GLIS3: variants seen among roughly 807,000 people sequenced by gnomAD.
GLIS3 encodes the protein GLIS family zinc finger 3.
A neutral mutation model predicts 78.6 loss-of-function variants in GLIS3; 53 were observed. The ratio of observed to expected loss-of-function variants is 0.67; its 90% CI spans 0.54 to 0.85. The LOEUF is 0.85. Ranked by LOEUF, GLIS3 falls within the 40% of genes least tolerant of loss-of-function variation. The pLI, the probability that GLIS3 is intolerant of heterozygous loss-of-function variation, is 0.00. For synonymous variants in GLIS3, 684 were observed against 509.9 expected (o/e 1.34, Z -4.60); for missense variants, 1,703 against 1,231.1 (o/e 1.38, Z -5.74).
intron 2 of GLIS3, among the ~76,000 whole-genome samples, chr9:4,165,884 A>C (rs895721335): frequency 6.6e-6 from 1 of 152,206 alleles, no homozygotes; most frequent in Non-Finnish European, 1.5e-5. Context: ...GGAATCTCCA[A>C]TGTTTGGGGA....
chr9:4,275,983 T>C (rs1200371100), intron 2 of GLIS3, among the ~76,000 whole-genome samples: 1 of 151,766 alleles, frequency 6.6e-6, no homozygotes, highest in African/African-American at 2.4e-5. Context: ...TTAACCACCT[T>C]AGAAAATGCT....
At chr9:3,920,334 T>C (rs190536205) in intron 6 of GLIS3, among the ~76,000 whole-genome samples, 3 of 152,292 alleles carry the variant, frequency 2.0e-5, no homozygotes, top group Non-Finnish European at 4.4e-5. Flanking sequence ...CAAATCACCC[T>C]TTCTTGCTTT....
At chr9:3,956,777 T>C (rs1043492087) in intron 4 of GLIS3, among the ~76,000 whole-genome samples, 2 of 152,236 alleles carry the variant, frequency 1.3e-5, no homozygotes, top group East Asian at 3.8e-4. Flanking sequence ...ACAATCTTAG[T>C]TGACCAGGCT....
At position 3,977,124 on chromosome 9, in the gene GLIS3, T is replaced by G. The variant is rs893449135; in HGVS notation, c.1711-39935A>C. Among the ~76,000 whole-genome samples, 1 of 152,142 alleles carries G rather than the reference T, an allele frequency of 6.6e-6. No individual in the cohort carries two copies. The highest frequency in any genetic ancestry group is 1.5e-5 in the Non-Finnish European group (1 of 68,040). On this transcript the variant is annotated intron_variant, in intron 4 of 10. Coordinates refer to ENST00000381971, the MANE Select transcript of GLIS3 (RefSeq NM_001042413.2). This position sits in a 1 kb window ranked among gnomAD's most constrained non-coding sequence, Gnocchi z 4.1. ...GCATACTGCTAGTTGATGACCAGTT[T>G]TCACTTAGGATCTGCAGAATTCACA...
chr9:4,119,920 G>C (rs145490879), intron 3 of GLIS3, among the ~76,000 whole-genome samples: 36 of 152,326 alleles, frequency 2.4e-4, no homozygotes, highest in African/African-American at 8.7e-4. Flanking sequence ...GAGAAGAAAA[G>C]ATACGTCCCT....
chr9:3,902,955 G>C (rs1280559269), intron 6 of GLIS3, among the ~76,000 whole-genome samples: 1 of 152,154 alleles, frequency 6.6e-6, no homozygotes, highest in Non-Finnish European at 1.5e-5. Flanking sequence ...AGGAGGAGAG[G>C]ATACCTACAA....
At chr9:4,375,303 C>T in the GLIS3 span, among the ~76,000 whole-genome samples, 2 of 152,084 alleles carry the variant, frequency 1.3e-5, no homozygotes, top group Admixed American at 6.6e-5. Context: ...ACAAAGTTCT[C>T]GTGGAACAAA....
At chr9:4,408,560 G>C in the GLIS3 span, among the ~76,000 whole-genome samples, 93 of 151,462 alleles carry the variant, frequency 6.1e-4, no homozygotes, top group Non-Finnish European at 1.1e-3. Context: ...AATCCCGTCT[G>C]TACTAAAAAT....
rs970575821 is a variant in GLIS3 at position 3,827,064 on chromosome 9, G to A, written c.*1208C>T. 6.6e-5 allele frequency: 10 copies of A among 152,132 alleles called. No individual in the cohort carries two copies. The East Asian group carries it at 1.2e-3, about 18-fold the overall frequency. The allele number at this position is 152,132 out of a possible 1,614,324, so 9.4% of individuals were successfully genotyped here. ...AATTGCCTCTTTCTGTAGACTTTTC[G>A]AGAACTGTCACCTCTACCTTCCCAA... On this transcript the variant is annotated 3_prime_UTR_variant, in exon 11 of 11. Coordinates refer to ENST00000381971, the MANE Select transcript of GLIS3 (RefSeq NM_001042413.2).
chr9:4,483,685 G>A, the GLIS3 span, among the ~76,000 whole-genome samples: 855 of 147,858 alleles, frequency 5.8e-3, 2 homozygotes, highest in Non-Finnish European at 8.4e-3. Flanking sequence ...ATGCCACTGC[G>A]CTTCAGCCTG....
chr9:4,396,186 C>T, the GLIS3 span, among the ~76,000 whole-genome samples: 1 of 151,784 alleles, frequency 6.6e-6, no homozygotes, highest in Admixed American at 6.6e-5. Flanking sequence ...GATCTCAGCT[C>T]ACTGCAAACT....
At chr9:4,317,923 G>T (rs970627260) in intron 2 of GLIS3, among the ~76,000 whole-genome samples, 4 of 152,208 alleles carry the variant, frequency 2.6e-5, no homozygotes, top group Non-Finnish European at 4.4e-5. Flanking sequence ...CAAGGGAATT[G>T]TTCCTTGTAT....
At chr9:4,412,383 G>T in the GLIS3 span, among the ~76,000 whole-genome samples, 1 of 152,046 alleles carries the variant, frequency 6.6e-6, no homozygotes, top group Admixed American at 6.6e-5. Flanking sequence ...ACAATTCTTG[G>T]GACTAAAAGC....
chr9:3,860,375 G>C (rs1820123142), intron 8 of GLIS3, among the ~76,000 whole-genome samples: 1 of 149,178 alleles, frequency 6.7e-6, no homozygotes, highest in East Asian at 2.0e-4. Flanking sequence ...AAGAATGTCT[G>C]ATTATTTGGG....
At chr9:4,417,587 AT>A in the GLIS3 span, among the ~76,000 whole-genome samples, 2 of 152,202 alleles carry the variant, frequency 1.3e-5, no homozygotes, top group Non-Finnish European at 2.9e-5. Flanking sequence ...GAACATTCCT[AT>A]ACATGCAATT....
the GLIS3 span, among the ~76,000 whole-genome samples, chr9:4,424,339 G>A: frequency 2.6e-5 from 4 of 152,224 alleles, no homozygotes; most frequent in Non-Finnish European, 5.9e-5. Flanking sequence ...GCAGTTAGAA[G>A]GAACACCTTT....
intron 4 of GLIS3, among the ~76,000 whole-genome samples, chr9:4,058,719 G>A (rs1826353977): frequency 1.3e-5 from 2 of 152,132 alleles, no homozygotes; most frequent in South Asian, 4.1e-4. Flanking sequence ...GGTAGCTCAA[G>A]CCTGTAATCC....
At position 3,908,707 on chromosome 9, in the gene GLIS3, T is replaced by C. The variant is rs1035284188; in HGVS notation, c.1984-9872A>G. Among the ~76,000 whole-genome samples, 3 of 6,246 alleles carry C rather than the reference T, an allele frequency of 4.8e-4. No individual in the cohort carries two copies. In the East Asian group the frequency reaches 0.018, roughly 38 times the overall value. 4.1% of individuals were successfully genotyped at this position (6,246 alleles called of 152,430 possible). On this transcript the variant is annotated intron_variant, in intron 6 of 10. Coordinates refer to ENST00000381971, the MANE Select transcript of GLIS3 (RefSeq NM_001042413.2). The stretch of plus-strand genomic sequence containing the variant: ...CACCATCAATTGTGATTTGTATTTG[T>C]TTTTTTTTTTTTTTTTTTTTTGTAC...
intron 2 of GLIS3, among the ~76,000 whole-genome samples, chr9:4,177,066 T>C (rs1223572475): frequency 6.6e-6 from 1 of 152,242 alleles, no homozygotes; most frequent in East Asian, 1.9e-4. Flanking sequence ...TACCAATGTA[T>C]GGGAATCCTA....
Sources: allele counts gnomAD v4.1 joint callset (sites outside exome capture counted in the v4.1 genomes callset), GRCh38; gene constraint gnomAD v4.1.1; non-coding constraint Gnocchi (gnomAD v3.1); transcripts MANE v1.5; gene names NCBI Gene and HGNC (gene_info 2026-07-23, HGNC 2026-07-21).